Variants in MSI2 observed in about 807,000 individuals in gnomAD.
MSI2 encodes the protein musashi RNA binding protein 2.
In MSI2, 17 loss-of-function variants were observed where a neutral mutation model predicts 45.6. The ratio of observed to expected loss-of-function variants is 0.37; its 90% CI spans 0.26 to 0.56. The LOEUF is 0.56. Ranked by LOEUF, MSI2 falls within the 20% of genes least tolerant of loss-of-function variation. The pLI is 0.77. For synonymous variants in MSI2, 156 were observed against 158.2 expected (o/e 0.99, Z 0.11); for missense variants, 293 against 444.2 (o/e 0.66, Z 3.06).
At chr17:57,446,961 C>A (rs1286736918) in intron 6 of MSI2, among the ~76,000 whole-genome samples, 1 of 152,186 alleles carries the variant, frequency 6.6e-6, no homozygotes, top group Non-Finnish European at 1.5e-5. Context: ...TGCTTTGATG[C>A]AAGGTTGCTA....
chr17:57,257,482 T>C lies in MSI2; in HGVS notation c.120T>C (p.Tyr40=), dbSNP rs756780653. The C allele has an allele frequency of 3.8e-6, 6 of 1,569,772 alleles. No individual in the cohort carries two copies. The Admixed American group carries it at 5.1e-5, about 13-fold the overall frequency. The change falls in exon 3 of 14, where the codon TAT becomes TAC. Residue 40 remains tyrosine, a synonymous_variant. Transcript: ENST00000284073. ...WQTSPDSLRD[Y]FSKFGEIREC... ...TCTCTACAGATAGCCTTAGAGACTA[T>C]TTTAGCAAATTTGGAGAAATTAGAG...
At chr17:57,486,613 A>C (rs1413390954) in intron 6 of MSI2, among the ~76,000 whole-genome samples, 1 of 152,154 alleles carries the variant, frequency 6.6e-6, no homozygotes, top group Non-Finnish European at 1.5e-5. Flanking sequence ...AAGCTTATTC[A>C]CTGGTGGTCA....
At chr17:57,381,517 C>T (rs546249647) in intron 5 of MSI2, among the ~76,000 whole-genome samples, 1 of 152,276 alleles carries the variant, frequency 6.6e-6, no homozygotes, top group East Asian at 1.9e-4. Context: ...TATTGTTCCC[C>T]CTGGTCCTTC....
intron 6 of MSI2, among the ~76,000 whole-genome samples, chr17:57,412,866 G>C (rs2084222625): frequency 6.6e-6 from 1 of 152,194 alleles, no homozygotes; most frequent in South Asian, 2.1e-4. Context: ...CTGTTTACTA[G>C]CTTGGTAACC....
chr17:57,659,664 T>C (rs1911856406), intron 11 of MSI2, among the ~76,000 whole-genome samples: 1 of 152,098 alleles, frequency 6.6e-6, no homozygotes, highest in Admixed American at 6.5e-5. Flanking sequence ...GGAGAAGCCG[T>C]GTTTTTTATG....
Position 57,568,178 on chromosome 17 carries a change from C to T in MSI2, c.455-28690C>T, listed in dbSNP as rs542152896. On this transcript the variant is annotated intron_variant, in intron 7 of 13. Coordinates refer to ENST00000284073, the MANE Select transcript of MSI2 (RefSeq NM_138962.4). ...GAGGGGACGTGAGGACATGAACCTT[C>T]TTCCTTAGGCTGGGAGAATGCCTCT... Among the ~76,000 whole-genome samples, 140 of 152,308 alleles carry T rather than the reference C, an allele frequency of 9.2e-4. 1 individual carries two copies. The highest frequency in any genetic ancestry group is 3.2e-3 in the African/African-American group (132 of 41,574).
intron 7 of MSI2, among the ~76,000 whole-genome samples, chr17:57,554,634 G>T (rs539085097): frequency 1.3e-5 from 2 of 152,244 alleles, no homozygotes; most frequent in African/African-American, 2.4e-5. Context: ...TAAGCACTCC[G>T]TAAGCCTGTG....
At chr17:57,574,391 A>C (rs1020155617) in intron 7 of MSI2, among the ~76,000 whole-genome samples, 4 of 152,216 alleles carry the variant, frequency 2.6e-5, no homozygotes, top group Non-Finnish European at 5.9e-5. Context: ...AAAGGCCCTC[A>C]TGAGTCTGTA....
chr17:57,356,797 G>T (rs935830440), intron 5 of MSI2, among the ~76,000 whole-genome samples: 1 of 151,982 alleles, frequency 6.6e-6, no homozygotes, highest in African/African-American at 2.4e-5. Context: ...GGTTTTACAG[G>T]TGTATGAAAA....
At chr17:57,497,225 C>T (rs1279785762) in intron 6 of MSI2, among the ~76,000 whole-genome samples, 1 of 152,246 alleles carries the variant, frequency 6.6e-6, no homozygotes, top group African/African-American at 2.4e-5. Flanking sequence ...GATCCACCTG[C>T]CTTGGCCTCC....
chr17:57,699,038 AGAGAGAGTGTGT>A, the MSI2 span, among the ~76,000 whole-genome samples: 1 of 44,674 alleles, frequency 2.2e-5, no homozygotes, highest in African/African-American at 1.4e-4. Context: ...AGAGAGAGAG[AGAGAGAGTGTGT>A]GTGTGTGTGT....
rs7226165 is a variant in MSI2 at position 57,530,349 on chromosome 17, T to C, written c.454+625T>C. On this transcript the variant is annotated intron_variant, in intron 7 of 13. Coordinates refer to ENST00000284073, the MANE Select transcript of MSI2 (RefSeq NM_138962.4). ...GCAAAATGTCATATGTTTATACTTT[T>C]CTTGGGTGAAGATCCCTAGGTTTGG... is the stretch of plus-strand genomic sequence containing the variant. 8.1e-3 allele frequency among the ~76,000 whole-genome samples: 1,236 copies of C among 152,346 alleles called. 13 individuals carry two copies. The highest frequency in any genetic ancestry group is 0.028 in the African/African-American group (1,183 of 41,568).
At chr17:57,555,440 T>A (rs2087411923) in intron 7 of MSI2, among the ~76,000 whole-genome samples, 1 of 152,138 alleles carries the variant, frequency 6.6e-6, no homozygotes, top group East Asian at 1.9e-4. Context: ...AGCCTACCTC[T>A]CCATTCCCTG....
intron 9 of MSI2, among the ~76,000 whole-genome samples, chr17:57,624,837 G>T (rs1211127627): frequency 6.6e-6 from 1 of 152,136 alleles, no homozygotes; most frequent in Non-Finnish European, 1.5e-5. Context: ...CAGGTGACAA[G>T]ACTAAGCTCC....
chr17:57,616,205 G>T (rs1907674455), intron 9 of MSI2, 121 bp downstream of exon 9: 2 of 682,960 alleles, frequency 2.9e-6, no homozygotes, highest in Admixed American at 2.6e-5. Flanking sequence ...CAGTTTCCTT[G>T]TCTGTAGATG....
At chr17:57,448,265 A>G (rs936396034) in intron 6 of MSI2, 1 of 152,244 alleles carries the variant, frequency 6.6e-6, no homozygotes. Flanking sequence ...CCTGCCTGAC[A>G]TGTTTTTCTT....
chr17:57,677,135 G>A (rs754726448), intron 13 of MSI2, 76 bp downstream of exon 13: 26 of 993,258 alleles, frequency 2.6e-5, no homozygotes, highest in Admixed American at 3.4e-5. Flanking sequence ...ATACATGCAC[G>A]TGCGTGCCCC....
intron 6 of MSI2, among the ~76,000 whole-genome samples, chr17:57,414,620 G>T (rs764715001): frequency 2.0e-5 from 3 of 152,060 alleles, no homozygotes; most frequent in African/African-American, 4.8e-5. Context: ...CAAACTCCTG[G>T]CCTTAAAAGG....
chr17:57,411,765 T>C (rs2084201333), intron 6 of MSI2, among the ~76,000 whole-genome samples: 1 of 151,982 alleles, frequency 6.6e-6, no homozygotes, highest in East Asian at 1.9e-4. Flanking sequence ...TCCCAGCACT[T>C]TGGGAGGCTG....
Sources: allele counts gnomAD v4.1 joint callset (sites outside exome capture counted in the v4.1 genomes callset), GRCh38; gene constraint gnomAD v4.1.1; transcripts MANE v1.5; gene names NCBI Gene and HGNC (gene_info 2026-07-23, HGNC 2026-07-21).